PDE3B: variants seen among roughly 807,000 people sequenced by gnomAD.
PDE3B encodes phosphodiesterase 3B.
Under a neutral mutation model 116.8 loss-of-function variants are expected in PDE3B, and 66 were observed. The ratio of observed to expected loss-of-function variants is 0.56; its 90% confidence interval spans 0.46 to 0.69. The LOEUF (loss-of-function observed/expected upper bound fraction) is 0.69, where lower values mean the gene tolerates loss of function less well. Among genes scored for constraint, PDE3B ranks in the 30% least tolerant of loss-of-function variants. The pLI, the probability that PDE3B is intolerant of heterozygous loss-of-function variation, is 0.00. For synonymous variants in PDE3B, 595 were observed against 533.6 expected, an observed-to-expected ratio of 1.12 and a Z score of -1.59; for missense variants, 1,384 against 1,368.1, an observed-to-expected ratio of 1.01 and a Z score of -0.18.
At chr11:14,753,327 G>C (rs747831609) in intron 1 of PDE3B, among the ~76,000 whole-genome samples, 1 of 152,118 alleles carries the variant, frequency 6.6e-6, no homozygotes, top group Non-Finnish European at 1.5e-5. Context: ...AAAAGAGATG[G>C]AGATGTAAAC....
the PDE3B span, chr11:14,879,531 C>T: frequency 9.5e-7 from 1 of 1,056,114 alleles, no homozygotes; most frequent in Non-Finnish European, 1.4e-6. Context: ...AAAGGATAAC[C>T]TATAACAAGC....
intron 12 of PDE3B, among the ~76,000 whole-genome samples, chr11:14,856,510 G>A (rs1324502113): frequency 4.6e-5 from 7 of 151,958 alleles, no homozygotes; most frequent in African/African-American, 1.7e-4. Flanking sequence ...TTTGAGTTGG[G>A]AATATTATTT....
At chr11:14,690,081 A>G (rs972705699) in intron 1 of PDE3B, among the ~76,000 whole-genome samples, 1 of 152,204 alleles carries the variant, frequency 6.6e-6, no homozygotes, top group Non-Finnish European at 1.5e-5. Context: ...TCACTGTGTT[A>G]ACACTTAGTG....
intron 1 of PDE3B, among the ~76,000 whole-genome samples, chr11:14,709,908 A>T (rs930550653): frequency 6.6e-6 from 1 of 152,116 alleles, no homozygotes; most frequent in Non-Finnish European, 1.5e-5. Context: ...TAATTGTATT[A>T]TTCCTATTCA....
At chr11:14,688,964 A>C (rs1456536333) in intron 1 of PDE3B, among the ~76,000 whole-genome samples, 1 of 151,964 alleles carries the variant, frequency 6.6e-6, no homozygotes, top group Non-Finnish European at 1.5e-5. Context: ...GTAGAGGTGA[A>C]GTTTCGCCAT....
At chr11:14,878,701 C>T in the PDE3B span, among the ~76,000 whole-genome samples, 1 of 152,066 alleles carries the variant, frequency 6.6e-6, no homozygotes, top group African/African-American at 2.4e-5. Flanking sequence ...GTCTTGTGTA[C>T]CTTTTCACAG....
At position 14,850,981 on chromosome 11, in the gene PDE3B, ATT is replaced by A. The variant is rs143254814; in HGVS notation, c.2520+6977_2520+6978del. On this transcript the variant is annotated intron_variant, in intron 12 of 15. Transcript: ENST00000282096. ...GTAGCTGGGACTACCACACCCAGCT[ATT>A]TTTTTTTTTTTTTTTTTTTTTAGTA... 2.1e-3 allele frequency among the ~76,000 whole-genome samples: 218 copies of A among 103,378 alleles called. 1 individual carries two copies. Among genetic ancestry groups the A allele is most frequent in the African/African-American group, 7.3e-3 (198 of 27,002 alleles). The allele number at this position is 103,378 out of a possible 152,430, so 67.8% of individuals were successfully genotyped here.
chr11:14,798,382 C>T (rs1348119819), intron 4 of PDE3B, among the ~76,000 whole-genome samples: 1 of 152,052 alleles, frequency 6.6e-6, no homozygotes, highest in African/African-American at 2.4e-5. Flanking sequence ...GGATATTGGC[C>T]TGAAATTTTC....
intron 1 of PDE3B, among the ~76,000 whole-genome samples, chr11:14,676,918 T>TA (rs1565087429): frequency 6.6e-6 from 1 of 152,134 alleles, no homozygotes; most frequent in Non-Finnish European, 1.5e-5. Flanking sequence ...ATCTCTAAGG[T>TA]ACTCTGTTTT....
chr11:14,882,971 T>G, the PDE3B span, among the ~76,000 whole-genome samples: 128 of 152,180 alleles, frequency 8.4e-4, no homozygotes, highest in African/African-American at 2.8e-3. Flanking sequence ...GAATCCAACT[T>G]ACAAGGGATG....
chr11:14,851,380 C>T (rs548525489), intron 12 of PDE3B, among the ~76,000 whole-genome samples: 1 of 151,954 alleles, frequency 6.6e-6, no homozygotes, highest in East Asian at 1.9e-4. Context: ...TTTCTTCAAT[C>T]TCTTTCATAT....
At chr11:14,872,328 C>T (rs1555009203), downstream of PDE3B, among the ~76,000 whole-genome samples, 2 of 152,078 alleles carry the variant, frequency 1.3e-5, no homozygotes, top group Admixed American at 1.3e-4. Context: ...AATCACTTCT[C>T]AAAGGAAGGT....
intron 2 of PDE3B, among the ~76,000 whole-genome samples, chr11:14,778,389 G>A (rs1857859030): frequency 6.6e-6 from 1 of 152,214 alleles, no homozygotes; most frequent in African/African-American, 2.4e-5. Flanking sequence ...CCTGACCCCC[G>A]AGTAGCCTAA....
chr11:14,651,160 T>C (rs1853564671), intron 1 of PDE3B, among the ~76,000 whole-genome samples: 1 of 152,126 alleles, frequency 6.6e-6, no homozygotes, highest in Admixed American at 6.5e-5. Flanking sequence ...TCCATGTCTT[T>C]CTCCTAGCTT....
the PDE3B span, among the ~76,000 whole-genome samples, chr11:14,884,810 A>C: frequency 1.3e-5 from 2 of 152,124 alleles, no homozygotes; most frequent in African/African-American, 4.8e-5. Context: ...ACAGCTTTGA[A>C]AAATATATAC....
At chr11:14,746,042 T>C (rs1856901200) in intron 1 of PDE3B, among the ~76,000 whole-genome samples, 1 of 152,230 alleles carries the variant, frequency 6.6e-6, no homozygotes, top group South Asian at 2.1e-4. Flanking sequence ...AGGAAGATTG[T>C]CCACTGACAG....
At chr11:14,744,853 A>T (rs1856866893) in intron 1 of PDE3B, among the ~76,000 whole-genome samples, 1 of 152,230 alleles carries the variant, frequency 6.6e-6, no homozygotes, top group South Asian at 2.1e-4. Context: ...TTTATAGGAA[A>T]CATATTTTTA....
intron 1 of PDE3B, among the ~76,000 whole-genome samples, chr11:14,663,413 T>A (rs1854006425): frequency 2.0e-5 from 3 of 152,138 alleles, no homozygotes; most frequent in Admixed American, 2.0e-4. Flanking sequence ...ACGAGCAAAA[T>A]AACCAGCTAA....
chr11:14,759,017 T>G (rs991481226), intron 1 of PDE3B, among the ~76,000 whole-genome samples: 2 of 152,098 alleles, frequency 1.3e-5, no homozygotes, highest in Non-Finnish European at 2.9e-5. Flanking sequence ...CTGCATCTAT[T>G]GAGATAGTCA....
Sources: gnomAD v4.1 joint callset for allele counts (sites outside exome capture counted in the v4.1 genomes callset) on GRCh38, gnomAD v4.1.1 for gene constraint, MANE v1.5 for transcripts, NCBI Gene and HGNC (gene_info 2026-07-23, HGNC 2026-07-21) for gene names.